The following CARD16 variants were observed in gnomAD, a reference collection of about 807,000 sequenced individuals.
The protein encoded by CARD16 is caspase recruitment domain family member 16, also known as caspase recruitment domain-containing protein 16.
In CARD16, 8 loss-of-function variants were observed where a neutral mutation model predicts 11.9. The observed-to-expected ratio is 0.67, with a 90% CI of 0.39 to 1.21. The LOEUF (loss-of-function observed/expected upper bound fraction) is 1.21. Among genes scored for constraint, CARD16 ranks in the 50% most tolerant of loss-of-function variants. CARD16 has a pLI of 0.01. For missense variants in CARD16, 131 were observed against 118.1 expected, an observed-to-expected ratio of 1.11 and a Z score of -0.51; for synonymous variants, 44 against 43.8, an observed-to-expected ratio of 1.00 and a Z score of -0.02.
In CARD16 at chr11:105,044,646, T is replaced by G. The variant is rs1443970315; in HGVS notation, c.20A>C (p.Lys7Thr). The change falls in exon 2 of 4, where the codon AAG (lysine) becomes ACG (threonine). Residue 7 changes from lysine to threonine, a missense_variant. Lys to Thr is a moderately conservative substitution (Grantham distance 78). Transcript: ENST00000673097. ...ATGGATAAACAGCTTTCTCTTCTCC[T>G]TCAGGACCTTGTCTGTTTGGAGCAC... MADKVL[K>T]EKRKLFIHSM... 6.2e-7 allele frequency: 1 copy of G among 1,613,960 alleles called. No individual in the cohort carries two copies. The highest frequency in any genetic ancestry group is 1.3e-5 in the African/African-American group (1 of 74,926).
Position 105,044,954 on chromosome 11 carries a change from A to T in CARD16, c.8-296T>A, listed in dbSNP as rs1864173807. On this transcript the variant is annotated intron_variant, in intron 1 of 3. Coordinates refer to ENST00000673097, the MANE Select transcript of CARD16 (RefSeq NM_052889.4). ...ACTCTGAATAATAAAGTAATGAAGC[A>T]GAAATAGCCCATTTCATTTAGGAAC... 4.9e-6 allele frequency: 3 copies of T among 607,132 alleles called. No individual in the cohort carries two copies. The South Asian group carries it at 6.4e-5, about 13-fold the overall frequency. 37.6% of individuals were successfully genotyped at this position (607,132 alleles called of 1,614,324 possible). A position where few individuals can be genotyped will look rare whatever the true frequency, so the allele number is the denominator to read the frequency against.
intron 2 of CARD16, chr11:105,043,775 C>T (rs61890849): frequency 0.25 from 111,274 of 437,122 alleles, 14,834 homozygotes; most frequent in Non-Finnish European, 0.28. Flanking sequence ...AGGAGGGCTG[C>T]AGATGATGGA....
intron 2 of CARD16, 196 bp downstream of exon 2, chr11:105,044,196 A>G (rs1864155834): frequency 2.4e-6 from 2 of 823,414 alleles, no homozygotes; most frequent in South Asian, 1.8e-5. Context: ...ATGAACTTTA[A>G]TCAGAAGAGG....
Position 105,044,649 on chromosome 11 carries a change from A to C in CARD16, c.17T>G (p.Leu6Arg), listed in dbSNP as rs765777679. 2 of 1,614,054 alleles carry C rather than the reference A, an allele frequency of 1.2e-6. No individual in the cohort carries two copies. Among genetic ancestry groups the C allele is most frequent in the Non-Finnish European group, 1.7e-6 (2 of 1,179,932 alleles). Residue 6 changes from leucine to arginine, a missense_variant, in exon 2 of 4, where the codon CTG (leucine) becomes CGG (arginine). Transcript: ENST00000673097. MADKV[L>R]KEKRKLFIHS... ...GATAAACAGCTTTCTCTTCTCCTTCAGGACCTTGTCTGTTTGGAGCACAAG... is the reference window on the plus strand; with the variant it reads ...GATAAACAGCTTTCTCTTCTCCTTCCGGACCTTGTCTGTTTGGAGCACAAG...
intron 1 of CARD16, chr11:105,044,908 C>A: frequency 1.5e-6 from 1 of 657,124 alleles, no homozygotes. Context: ...AGATCATCCT[C>A]TTGTGTCCCA....
intron 2 of CARD16, chr11:105,044,012 C>G (rs1864153033): frequency 1.6e-5 from 5 of 321,078 alleles, no homozygotes; most frequent in Admixed American, 1.4e-4. Flanking sequence ...AATACAGACC[C>G]TAAAGCTCAT....
At chr11:105,042,016 G>A (rs1373585326) in intron 3 of CARD16, among the ~76,000 whole-genome samples, 1 of 152,178 alleles carries the variant, frequency 6.6e-6, no homozygotes, top group Non-Finnish European at 1.5e-5. Flanking sequence ...TCAGGAAACA[G>A]TCAATGAGTG....
chr11:105,044,779 G>T, intron 1 of CARD16, 121 bp from the exon 2 acceptor site: 4 of 1,510,694 alleles, frequency 2.6e-6, no homozygotes, highest in Non-Finnish European at 3.6e-6. Context: ...TCACAGTTGG[G>T]TAATCCCTCT....
chr11:105,044,309 A>T, intron 2 of CARD16, 83 bp downstream of exon 2: 1 of 1,598,794 alleles, frequency 6.3e-7, no homozygotes, highest in Non-Finnish European at 8.5e-7. Flanking sequence ...TATTCTGCAG[A>T]TTAACATGAC....
rs923770876 is a variant in CARD16, at chr11:105,041,710, G to T, written c.*53C>A. ...GGGCATAGCTGGGTTGTCCTGCACT[G>T]CCTGAAGAGCTGCAAGAGACAAGGA... is the stretch of plus-strand genomic sequence containing the variant. On this transcript the variant is annotated 3_prime_UTR_variant, in exon 4 of 4. Transcript: ENST00000673097. 1.2e-6 allele frequency: 2 copies of T among 1,613,538 alleles called. No individual in the cohort carries two copies. The highest frequency in any genetic ancestry group is 1.3e-5 in the African/African-American group (1 of 74,886).
At position 105,041,606 on chromosome 11, in the gene CARD16, T is replaced by C; in HGVS notation, c.*157A>G. 6.2e-7 allele frequency: 1 copy of C among 1,614,086 alleles called. No homozygotes were observed. ...ATTATTGTATTCTGAACATGGCACC[T>C]CTGCAACTTTTGTTTCCATATCCTT... On this transcript the variant is annotated 3_prime_UTR_variant, in exon 4 of 4. Transcript: ENST00000673097.
chr11:105,041,997 A>G (rs1864120263), intron 3 of CARD16, among the ~76,000 whole-genome samples: 1 of 152,202 alleles, frequency 6.6e-6, no homozygotes, highest in Middle Eastern at 3.2e-3. Flanking sequence ...GCCATGCATG[A>G]TAAAACACTC....
At chr11:105,043,973 G>A (rs1310943529) in intron 2 of CARD16, 2 of 252,006 alleles carry the variant, frequency 7.9e-6, no homozygotes, top group Non-Finnish European at 1.5e-5. Flanking sequence ...GAGGGCAAAA[G>A]TTTGAAAAGA....
intron 1 of CARD16, 181 bp downstream of exon 1, chr11:105,045,110 T>C (rs1456730692): frequency 1.2e-6 from 1 of 825,624 alleles, no homozygotes. Flanking sequence ...TTTCTGGGCT[T>C]GCCTTTTCTT....
At chr11:105,044,352 A>G in intron 2 of CARD16, 40 bp downstream of exon 2, 2 of 1,611,842 alleles carry the variant, frequency 1.2e-6, no homozygotes, top group Admixed American at 1.7e-5. Context: ...GCACGAAGAC[A>G]GGCCCTAGGT....
At chr11:105,043,246 T>G (rs1002611213) in intron 3 of CARD16, among the ~76,000 whole-genome samples, 5 of 152,106 alleles carry the variant, frequency 3.3e-5, no homozygotes, top group African/African-American at 1.2e-4. Flanking sequence ...AATGATGAAG[T>G]TTGGTACTTA....
intron 1 of CARD16, 43 bp from the exon 2 acceptor site, chr11:105,044,701 C>T: frequency 6.2e-7 from 1 of 1,604,126 alleles, no homozygotes; most frequent in Non-Finnish European, 8.5e-7. Context: ...AAAACAGCCT[C>T]ATATTCCTCT....
Position 105,044,538 on chromosome 11 carries a change from A to G in CARD16, c.128T>C (p.Val43Ala), listed in dbSNP as rs1864163932. 2 of 1,614,086 alleles carry G rather than the reference A, an allele frequency of 1.2e-6. No homozygotes were observed. Among genetic ancestry groups the G allele is most frequent in the Non-Finnish European group, 1.7e-6 (2 of 1,179,988 alleles). Residue 43 changes from valine to alanine, a missense_variant, in exon 2 of 4, where the codon GTA becomes GCA. Physicochemically the swap from Val to Ala is moderately conservative, Grantham distance 64. Coordinates refer to ENST00000673097, the MANE Select transcript of CARD16 (RefSeq NM_052889.4). ...CATAACTGTAGCATTTTCACGTTTT[A>G]CTTTCTCCATCTCTTCCTGGTTCAG... is the stretch of plus-strand genomic sequence containing the variant. Reference protein sequence around the residue: ...RVLNQEEMEKVKRENATVMDK... With the variant: ...RVLNQEEMEKAKRENATVMDK...
In CARD16 at chr11:105,044,075, C is replaced by T. The variant is rs1056974819; in HGVS notation, c.274+317G>A. 1.1e-5 allele frequency: 5 copies of T among 447,588 alleles called. No homozygotes were observed. In the East Asian group the frequency reaches 2.0e-4, roughly 18 times the overall value. The allele number at this position is 447,588 out of a possible 1,614,324, so 27.7% of individuals were successfully genotyped here. ...ACACCCTGGACACAAAATAATAAATCAATCAATAAATATCGTGCCTTGCCA... is the reference window on the plus strand; with the variant it reads ...ACACCCTGGACACAAAATAATAAATTAATCAATAAATATCGTGCCTTGCCA... On this transcript the variant is annotated intron_variant, in intron 2 of 3. Transcript: ENST00000673097.
Sources: allele counts gnomAD v4.1 joint callset (sites outside exome capture counted in the v4.1 genomes callset), GRCh38; gene constraint gnomAD v4.1.1; transcripts MANE v1.5; gene names NCBI Gene and HGNC (gene_info 2026-07-23, HGNC 2026-07-21).